The following COLGALT2 variants were observed in gnomAD, a reference collection of about 807,000 sequenced individuals.
COLGALT2 encodes the protein procollagen galactosyltransferase 2.
A neutral mutation model predicts 73.4 loss-of-function variants in COLGALT2; 49 were observed. That is an observed-to-expected ratio of 0.67 (90% confidence interval 0.53 to 0.85). The LOEUF is 0.85. Ranked by LOEUF, COLGALT2 falls within the 40% of genes least tolerant of loss-of-function variation. COLGALT2 has a pLI of 0.00. For missense variants in COLGALT2, 722 were observed against 790.2 expected (o/e 0.91, Z 1.03); for synonymous variants, 295 against 307.6 (o/e 0.96, Z 0.43).
chr1:183,982,225 G>T (rs1216242924), intron 1 of COLGALT2, among the ~76,000 whole-genome samples: 1 of 152,148 alleles, frequency 6.6e-6, no homozygotes, highest in Non-Finnish European at 1.5e-5. Flanking sequence ...TACCAGGTGA[G>T]CATGTTAGGA....
At chr1:183,997,815 T>TA (rs1297659429) in intron 1 of COLGALT2, among the ~76,000 whole-genome samples, 1 of 152,266 alleles carries the variant, frequency 6.6e-6, no homozygotes, top group African/African-American at 2.4e-5. Context: ...ACTTAAAACT[T>TA]ACACATGTTG....
At chr1:183,961,241 A>G (rs1670690862) in intron 6 of COLGALT2, among the ~76,000 whole-genome samples, 1 of 152,216 alleles carries the variant, frequency 6.6e-6, no homozygotes, top group Non-Finnish European at 1.5e-5. Flanking sequence ...TGAAAGCTAT[A>G]ATTTACAGGT....
intron 1 of COLGALT2, among the ~76,000 whole-genome samples, chr1:183,991,706 G>T (rs191520694): frequency 3.9e-5 from 6 of 152,312 alleles, no homozygotes; most frequent in Non-Finnish European, 7.3e-5. Context: ...GGGGAATGTT[G>T]CAGGAGACTA....
Position 184,033,059 on chromosome 1 carries a change from A to C in COLGALT2, c.263+4036T>G, listed in dbSNP as rs749386589. Among the ~76,000 whole-genome samples, 11 of 152,220 alleles carry C rather than the reference A, an allele frequency of 7.2e-5. 1 individual carries two copies. The highest frequency in any genetic ancestry group is 4.6e-4 in the Admixed American group (7 of 15,278). On this transcript the variant is annotated intron_variant, in intron 1 of 11. Coordinates refer to ENST00000361927, the MANE Select transcript of COLGALT2 (RefSeq NM_015101.4). Reference sequence around the variant, plus strand: ...AAAACTCTGCCAAACAAAATGCCCAAATCTTTCTGTAATTACATAGCAGTT... The same window carrying C: ...AAAACTCTGCCAAACAAAATGCCCACATCTTTCTGTAATTACATAGCAGTT...
chr1:184,033,631 T>C (rs1036136297), intron 1 of COLGALT2, among the ~76,000 whole-genome samples: 44 of 152,250 alleles, frequency 2.9e-4, no homozygotes, highest in African/African-American at 1.0e-3. Context: ...GCAGACATTC[T>C]TCAACAACAG....
chr1:184,013,292 G>A (rs562134385), intron 1 of COLGALT2, among the ~76,000 whole-genome samples: 2 of 152,206 alleles, frequency 1.3e-5, no homozygotes, highest in African/African-American at 2.4e-5. Context: ...TCCAGCCTGG[G>A]CGACAGAGTC....
chr1:183,981,380 C>T (rs2986565), intron 1 of COLGALT2, among the ~76,000 whole-genome samples: 89,190 of 151,922 alleles, frequency 0.59, 29,854 homozygotes, highest in Non-Finnish European at 0.76. Flanking sequence ...AGGCCAAGTG[C>T]GGTGGCTCAT....
chr1:183,973,509 C>T lies in COLGALT2; in HGVS notation c.627+107G>A, dbSNP rs528426071. ...TGCTTGCTCTGGGAACACAATGACA[C>T]GCATGTTTCAAGGGAGTAAACAAGA... is the stretch of plus-strand genomic sequence containing the variant. On this transcript the variant is annotated intron_variant, in intron 4 of 11. Coordinates refer to ENST00000361927, the MANE Select transcript of COLGALT2 (RefSeq NM_015101.4). 3.6e-5 allele frequency: 50 copies of T among 1,393,006 alleles called. 1 individual carries two copies. The South Asian group carries it at 4.8e-4, about 13-fold the overall frequency. 86.3% of individuals were successfully genotyped at this position (1,393,006 alleles called of 1,614,324 possible).
intron 5 of COLGALT2, among the ~76,000 whole-genome samples, chr1:183,967,146 C>A (rs1243315724): frequency 6.6e-6 from 1 of 152,204 alleles, no homozygotes; most frequent in Admixed American, 6.5e-5. Context: ...GAGATAAGTA[C>A]AATATTACCT....
Position 183,937,521 on chromosome 1 carries a change from A to G in COLGALT2, c.*1240T>C, listed in dbSNP as rs954769375. The G allele has an allele frequency of 3.7e-5, 36 of 985,452 alleles. No homozygotes were observed. The African/African-American group carries it at 6.1e-4, about 17-fold the overall frequency. The allele number at this position is 985,452 out of a possible 1,614,324, so 61.0% of individuals were successfully genotyped here. A position where few individuals can be genotyped will look rare whatever the true frequency, so the allele number is the denominator to read the frequency against. ...GCTTCCCTGGTTGCTGGCCTAAATCAGGTGACCAGCCCTTTGTTTCTGACC... is the reference window on the plus strand; with the variant it reads ...GCTTCCCTGGTTGCTGGCCTAAATCGGGTGACCAGCCCTTTGTTTCTGACC... On this transcript the variant is annotated 3_prime_UTR_variant, in exon 12 of 12. Transcript: ENST00000361927.
At chr1:184,016,932 T>C (rs1412684051) in intron 1 of COLGALT2, among the ~76,000 whole-genome samples, 2 of 152,194 alleles carry the variant, frequency 1.3e-5, no homozygotes, top group African/African-American at 4.8e-5. Flanking sequence ...AGCAATATAA[T>C]TTAGTCTTCC....
intron 10 of COLGALT2, among the ~76,000 whole-genome samples, chr1:183,941,451 T>C (rs1670106848): frequency 6.6e-6 from 1 of 152,206 alleles, no homozygotes; most frequent in Admixed American, 6.5e-5. Flanking sequence ...CGTGAACAAC[T>C]TCTACAACAC....
In COLGALT2 at chr1:183,936,983, G is replaced by T. The variant is rs1435837586; in HGVS notation, c.*1778C>A. 1.6e-6 allele frequency: 2 copies of T among 1,231,638 alleles called. No individual in the cohort carries two copies. Among genetic ancestry groups the T allele is most frequent in the Admixed American group, 8.4e-5 (2 of 23,704 alleles). 76.3% of individuals were successfully genotyped at this position (1,231,638 alleles called of 1,614,324 possible). A position where few individuals can be genotyped will look rare whatever the true frequency, so the allele number is the denominator to read the frequency against. On this transcript the variant is annotated 3_prime_UTR_variant, in exon 12 of 12. Coordinates refer to ENST00000361927, the MANE Select transcript of COLGALT2 (RefSeq NM_015101.4). ...AGGCTGCCTTGACTACCTATTTGGT[G>T]ATGAGACAGCTTGGTGATCACTTTC... is the stretch of plus-strand genomic sequence containing the variant.
Position 183,937,003 on chromosome 1 carries a change from A to G in COLGALT2, c.*1758T>C. 5.7e-6 allele frequency: 7 copies of G among 1,231,762 alleles called. No homozygotes were observed. The highest frequency in any genetic ancestry group is 7.1e-6 in the Non-Finnish European group (7 of 988,000). The allele number at this position is 1,231,762 out of a possible 1,614,324, so 76.3% of individuals were successfully genotyped here. On this transcript the variant is annotated 3_prime_UTR_variant, in exon 12 of 12. Coordinates refer to ENST00000361927, the MANE Select transcript of COLGALT2 (RefSeq NM_015101.4). Reference sequence around the variant, plus strand: ...TTGGTGATGAGACAGCTTGGTGATCACTTTCTCTAGACTCTGAGCCATGCT... The same window carrying G: ...TTGGTGATGAGACAGCTTGGTGATCGCTTTCTCTAGACTCTGAGCCATGCT...
Position 183,978,465 on chromosome 1 carries a change from T to A in COLGALT2, c.319A>T (p.Lys107Ter). ...NTTEIFREWLKNVQRLYHYVE... is the reference protein window; with the variant it reads ...NTTEIFREWL Reference sequence around the variant, plus strand: ...TAGTGATAGAGTCTCTGTACATTTTTCAACCACTCCCTGAATATTTCTGTT... The same window carrying A: ...TAGTGATAGAGTCTCTGTACATTTTACAACCACTCCCTGAATATTTCTGTT... Residue 107 changes from lysine (K) to a stop codon, truncating the protein, a stop_gained, in exon 2 of 12, where the codon AAA becomes TAA. Transcript: ENST00000361927. LOFTEE classifies it high-confidence loss of function. The A allele has an allele frequency of 6.2e-7, 1 of 1,613,144 alleles. No individual in the cohort carries two copies. Among genetic ancestry groups the A allele is most frequent in the South Asian group, 1.1e-5 (1 of 91,042 alleles).
At chr1:183,975,881 G>A (rs1283980434) in intron 2 of COLGALT2, among the ~76,000 whole-genome samples, 1 of 152,200 alleles carries the variant, frequency 6.6e-6, no homozygotes, top group Non-Finnish European at 1.5e-5. Flanking sequence ...TACTGTTGCA[G>A]TAACCCAAAA....
At chr1:183,955,466 G>A (rs1445611968) in intron 6 of COLGALT2, among the ~76,000 whole-genome samples, 8 of 152,152 alleles carry the variant, frequency 5.3e-5, no homozygotes, top group African/African-American at 1.9e-4. Flanking sequence ...TGCGCAAAAG[G>A]TCCATTGCTT....
At chr1:183,935,018 ATGC>A (rs1276803086), downstream of COLGALT2, among the ~76,000 whole-genome samples, 2 of 152,138 alleles carry the variant, frequency 1.3e-5, no homozygotes, top group African/African-American at 4.8e-5. Flanking sequence ...ACCCCAACAC[ATGC>A]CTAACTCTTC....
At position 183,937,976 on chromosome 1, in the gene COLGALT2, A is replaced by G; in HGVS notation, c.*785T>C. 7.1e-6 allele frequency: 7 copies of G among 985,446 alleles called. No homozygotes were observed. The highest frequency in any genetic ancestry group is 8.4e-6 in the Non-Finnish European group (7 of 829,924). The allele number at this position is 985,446 out of a possible 1,614,324, so 61.0% of individuals were successfully genotyped here. ...TCCTCACCCTTTATATATTACATTT[A>G]TCTTTATAAATAGAGCATCCTGACT... On this transcript the variant is annotated 3_prime_UTR_variant, in exon 12 of 12. Transcript: ENST00000361927.
Sources: allele counts gnomAD v4.1 joint callset (sites outside exome capture counted in the v4.1 genomes callset), GRCh38; gene constraint gnomAD v4.1.1; transcripts MANE v1.5; gene names NCBI Gene and HGNC (gene_info 2026-07-23, HGNC 2026-07-21).